The following ARHGAP22 variants were observed in gnomAD, a reference collection of about 807,000 sequenced individuals.
ARHGAP22 encodes rho GTPase-activating protein 22.
ARHGAP22 carries 48 observed loss-of-function variants against 59.1 expected under a neutral mutation model. That is an observed-to-expected ratio of 0.81 (90% confidence interval 0.64 to 1.03). ARHGAP22 has a LOEUF of 1.03. Ranked by LOEUF, ARHGAP22 falls within the 50% of genes least tolerant of loss-of-function variation. ARHGAP22 has a pLI of 0.00. For synonymous variants in ARHGAP22, 445 were observed against 416.4 expected, an observed-to-expected ratio of 1.07 and a Z score of -0.84; for missense variants, 1,015 against 958.7, an observed-to-expected ratio of 1.06 and a Z score of -0.78.
intron 4 of ARHGAP22, among the ~76,000 whole-genome samples, chr10:48,467,871 G>A (rs2047870934): frequency 6.6e-6 from 1 of 152,098 alleles, no homozygotes. Context: ...GCTGGAAGAG[G>A]CTGGGGCCCT....
At chr10:48,495,893 C>G (rs2050874050) in intron 3 of ARHGAP22, among the ~76,000 whole-genome samples, 1 of 152,156 alleles carries the variant, frequency 6.6e-6, no homozygotes, top group Non-Finnish European at 1.5e-5. Flanking sequence ...AGAGAAGCCT[C>G]CAGAAACAGC....
chr10:48,455,044 G>GTCC lies in ARHGAP22; in HGVS notation c.747_749dup (p.Glu249dup). 6.2e-7 allele frequency: 1 copy of GTCC among 1,611,796 alleles called. No individual in the cohort carries two copies. The highest frequency in any genetic ancestry group is 8.5e-7 in the Non-Finnish European group (1 of 1,179,004). On this transcript the variant is annotated inframe_insertion, in exon 6 of 10. Coordinates refer to ENST00000249601, the MANE Select transcript of ARHGAP22 (RefSeq NM_021226.4). ...TGAGCAGCTGGGCGCAGCTGAGGAAGTCCTCGTACCTGGCGAAGGGGACCA... is the reference window on the plus strand; with the variant it reads ...TGAGCAGCTGGGCGCAGCTGAGGAAGTCCTCCTCGTACCTGGCGAAGGGGACCA...
chr10:48,435,113 ATTT>A, the ARHGAP22 span: 8 of 1,060,386 alleles, frequency 7.5e-6, no homozygotes, highest in Non-Finnish European at 1.0e-5. Flanking sequence ...CAGTGGTCTT[ATTT>A]TTGGGTGATT....
chr10:48,625,585 C>A (rs1266977763), intron 1 of ARHGAP22, among the ~76,000 whole-genome samples: 1 of 152,140 alleles, frequency 6.6e-6, no homozygotes, highest in Non-Finnish European at 1.5e-5. Flanking sequence ...TGCATTTTCA[C>A]CCTGAAACAC....
chr10:48,588,864 T>C (rs2377518), intron 1 of ARHGAP22, among the ~76,000 whole-genome samples: 111,523 of 152,066 alleles, frequency 0.73, 41,404 homozygotes, highest in East Asian at 0.99. Context: ...GGTGCCGACC[T>C]TTCTGCTATA....
chr10:48,595,491 T>G (rs2060014587), intron 1 of ARHGAP22, among the ~76,000 whole-genome samples: 1 of 152,204 alleles, frequency 6.6e-6, no homozygotes, highest in Admixed American at 6.5e-5. Context: ...CCCCTACTTT[T>G]AAAAACTTGT....
At chr10:48,649,891 G>A (rs577812169) in intron 1 of ARHGAP22, among the ~76,000 whole-genome samples, 11 of 152,138 alleles carry the variant, frequency 7.2e-5, no homozygotes, top group Non-Finnish European at 1.3e-4. Flanking sequence ...ACAATTGAAC[G>A]CATAAGGACC....
intron 1 of ARHGAP22, among the ~76,000 whole-genome samples, chr10:48,626,655 G>A (rs372477909): frequency 7.2e-5 from 11 of 152,146 alleles, no homozygotes; most frequent in African/African-American, 2.2e-4. Flanking sequence ...ATGTGCCCTC[G>A]CAGGAGACAG....
chr10:48,479,783 C>A lies in ARHGAP22; in HGVS notation c.323-19G>T, dbSNP rs765418663. The A allele has an allele frequency of 6.4e-6, 10 of 1,552,588 alleles. No individual in the cohort carries two copies. The East Asian group carries it at 2.3e-4, about 36-fold the overall frequency. ...GCACCACCTGCAAGACAGGGAGACA[C>A]AGGCTTACGCAGGGTCCCTGCCCGC... On this transcript the variant is annotated intron_variant, in intron 3 of 9. Coordinates refer to ENST00000249601, the MANE Select transcript of ARHGAP22 (RefSeq NM_021226.4).
intron 9 of ARHGAP22, among the ~76,000 whole-genome samples, chr10:48,447,334 T>C (rs765166747): frequency 2.1e-4 from 32 of 152,272 alleles, no homozygotes; most frequent in Non-Finnish European, 4.1e-4. Flanking sequence ...TGGGAACATA[T>C]GCTGGATTTT....
chr10:48,586,583 T>A (rs1219952665), intron 1 of ARHGAP22, among the ~76,000 whole-genome samples: 1 of 152,212 alleles, frequency 6.6e-6, no homozygotes, highest in African/African-American at 2.4e-5. Context: ...CACTGCCTTC[T>A]AGAGATGGCA....
chr10:48,554,266 G>A (rs2057130568), intron 3 of ARHGAP22, among the ~76,000 whole-genome samples: 1 of 152,200 alleles, frequency 6.6e-6, no homozygotes, highest in African/African-American at 2.4e-5. Flanking sequence ...CCTATCCCAG[G>A]CAGGATCTTC....
At chr10:48,437,636 A>C in the ARHGAP22 span, 1 of 152,186 alleles carries the variant, frequency 6.6e-6, no homozygotes, top group Admixed American at 6.5e-5. Flanking sequence ...TAGTTATACT[A>C]TACGCAGATA....
intron 4 of ARHGAP22, among the ~76,000 whole-genome samples, chr10:48,477,242 T>C (rs1196072042): frequency 2.6e-5 from 4 of 152,260 alleles, no homozygotes; most frequent in Non-Finnish European, 5.9e-5. Context: ...TTCTGCCCTG[T>C]GTTTCAACTT....
intron 1 of ARHGAP22, among the ~76,000 whole-genome samples, chr10:48,647,947 C>A (rs1378176609): frequency 6.6e-6 from 1 of 152,184 alleles, no homozygotes; most frequent in Non-Finnish European, 1.5e-5. Context: ...AAACACTACA[C>A]AGTTTATGCT....
At chr10:48,472,965 C>A (rs2048367021) in intron 4 of ARHGAP22, among the ~76,000 whole-genome samples, 1 of 152,150 alleles carries the variant, frequency 6.6e-6, no homozygotes, top group Admixed American at 6.5e-5. Flanking sequence ...AATAGAATTA[C>A]CATATGATCT....
At chr10:48,623,333 C>T (rs745811057) in intron 1 of ARHGAP22, among the ~76,000 whole-genome samples, 1 of 152,224 alleles carries the variant, frequency 6.6e-6, no homozygotes, top group Admixed American at 6.5e-5. Context: ...GGGAGGGCTG[C>T]GTGGTCACAG....
At position 48,579,707 on chromosome 10, in the gene ARHGAP22, A is replaced by G. The variant is rs553858602; in HGVS notation, c.234+3246T>C. On this transcript the variant is annotated intron_variant, in intron 2 of 9. Coordinates refer to ENST00000249601, the MANE Select transcript of ARHGAP22 (RefSeq NM_021226.4). ...GTGTTGTGAGCTCTGCGAAGCATCA[A>G]ACATGGCTGGATATCCTTCTTCCGG... 1.1e-4 allele frequency among the ~76,000 whole-genome samples: 16 copies of G among 152,338 alleles called. No homozygotes were observed. The South Asian group carries it at 3.3e-3, about 32-fold the overall frequency.
At chr10:48,541,453 A>G (rs2055921269) in intron 3 of ARHGAP22, among the ~76,000 whole-genome samples, 1 of 152,152 alleles carries the variant, frequency 6.6e-6, no homozygotes. Flanking sequence ...TCTCTGTGTC[A>G]CAGAACCGTG....
Sources: gnomAD v4.1 joint callset for allele counts (sites outside exome capture counted in the v4.1 genomes callset) on GRCh38, gnomAD v4.1.1 for gene constraint, MANE v1.5 for transcripts, NCBI Gene and HGNC (gene_info 2026-07-23, HGNC 2026-07-21) for gene names.